CNNM4: variants seen among roughly 807,000 people sequenced by gnomAD.
CNNM4 encodes metal transporter CNNM4.
Under a neutral mutation model 53.7 loss-of-function variants are expected in CNNM4, and 32 were observed. That is an observed-to-expected ratio of 0.60 (90% confidence interval 0.45 to 0.80). The LOEUF (loss-of-function observed/expected upper bound fraction) is 0.80. CNNM4 is among the 30% of genes least tolerant of loss of function. CNNM4 has a pLI of 0.00. For missense variants in CNNM4, 784 were observed against 1,022.0 expected (o/e 0.77, Z 3.17); for synonymous variants, 410 against 440.0 (o/e 0.93, Z 0.85).
In CNNM4 at chr2:96,808,838, C is replaced by G; in HGVS notation, c.2130+96C>G. On this transcript the variant is annotated intron_variant, in intron 6 of 6. Coordinates refer to ENST00000377075, the MANE Select transcript of CNNM4 (RefSeq NM_020184.4). The surrounding 1 kb of genome is among the most constrained non-coding windows in gnomAD (Gnocchi z 4.9). The stretch of plus-strand genomic sequence containing the variant: ...CAAACCCAGCATGGTGGGCCCAAAC[C>G]CGAGATGCCTTTTTCTTCTGGAGAT... 1 of 1,257,274 alleles carries G rather than the reference C, an allele frequency of 8.0e-7. No individual in the cohort carries two copies. Among genetic ancestry groups the G allele is most frequent in the Non-Finnish European group, 1.1e-6 (1 of 870,840 alleles). The allele number at this position is 1,257,274 out of a possible 1,614,324, so 77.9% of individuals were successfully genotyped here.
chr2:96,798,858 C>G (rs2079130541), intron 3 of CNNM4, among the ~76,000 whole-genome samples, 199 bp from the exon 4 acceptor site: 1 of 152,166 alleles, frequency 6.6e-6, no homozygotes, highest in Non-Finnish European at 1.5e-5. Context: ...CCCAGGCAGG[C>G]AGGCAGCCTT....
intron 1 of CNNM4, among the ~76,000 whole-genome samples, chr2:96,785,991 G>A (rs1409440866): frequency 6.6e-6 from 1 of 151,808 alleles, no homozygotes; most frequent in Non-Finnish European, 1.5e-5. Context: ...GGAGGCTGAG[G>A]CAGGAGAATG....
Position 96,809,744 on chromosome 2 carries a change from G to A in CNNM4, c.*227G>A, listed in dbSNP as rs1016007030. On this transcript the variant is annotated 3_prime_UTR_variant, in exon 7 of 7. Coordinates refer to ENST00000377075, the MANE Select transcript of CNNM4 (RefSeq NM_020184.4). The stretch of plus-strand genomic sequence containing the variant: ...TAGGGGGGGCAGTGGGCCAGCTACC[G>A]TAAGCAAAGGCTGTTTTTTACTGAG... 4.4e-5 allele frequency: 21 copies of A among 475,804 alleles called. No individual in the cohort carries two copies. The highest frequency in any genetic ancestry group is 2.3e-4 in the South Asian group (5 of 22,194). 29.5% of individuals were successfully genotyped at this position (475,804 alleles called of 1,614,324 possible).
intron 1 of CNNM4, among the ~76,000 whole-genome samples, chr2:96,764,178 C>A (rs1306203599): frequency 6.6e-6 from 1 of 152,140 alleles, no homozygotes; most frequent in Non-Finnish European, 1.5e-5. Context: ...TGACCAGTCT[C>A]CCAGTCTTGA....
At position 96,797,727 on chromosome 2, in the gene CNNM4, C is replaced by A. The variant is rs957169697; in HGVS notation, c.1681+80C>A. 1 of 1,581,418 alleles carries A rather than the reference C, an allele frequency of 6.3e-7. No homozygotes were observed. Among genetic ancestry groups the A allele is most frequent in the African/African-American group, 1.3e-5 (1 of 74,464 alleles). Reference sequence around the variant, plus strand: ...TCCTGGGTTTCCGGCTGCTTTCCCCCCATAGGACGAGGGCTGCAGCAGGTG... The same window carrying A: ...TCCTGGGTTTCCGGCTGCTTTCCCCACATAGGACGAGGGCTGCAGCAGGTG... On this transcript the variant is annotated intron_variant, in intron 3 of 6. Coordinates refer to ENST00000377075, the MANE Select transcript of CNNM4 (RefSeq NM_020184.4). The surrounding 1 kb of genome is among the most constrained non-coding windows in gnomAD (Gnocchi z 6.0).
chr2:96,797,709 T>C lies in CNNM4; in HGVS notation c.1681+62T>C. 1 of 1,602,044 alleles carries C rather than the reference T, an allele frequency of 6.2e-7. No individual in the cohort carries two copies. The highest frequency in any genetic ancestry group is 8.5e-7 in the Non-Finnish European group (1 of 1,177,254). ...ACGGTCACGGGGGAGAAGTCCTGGG[T>C]TTCCGGCTGCTTTCCCCCCATAGGA... On this transcript the variant is annotated intron_variant, in intron 3 of 6. Coordinates refer to ENST00000377075, the MANE Select transcript of CNNM4 (RefSeq NM_020184.4). The surrounding 1 kb of genome is among the most constrained non-coding windows in gnomAD (Gnocchi z 6.0).
rs1574082235 is a variant in CNNM4 at position 96,800,886 on chromosome 2, TG to T, written c.1948+1239del. ...TGGGCACACTCAGCCAGCTTCTGCC[TG>T]TCTCCGCACAGGGCTCACCGCTGTG... is the stretch of plus-strand genomic sequence containing the variant. On this transcript the variant is annotated intron_variant, in intron 5 of 6. Transcript: ENST00000377075. This position sits in a 1 kb window ranked among gnomAD's most constrained non-coding sequence, Gnocchi z 4.6. Among the ~76,000 whole-genome samples, 2 of 152,204 alleles carry T rather than the reference TG, an allele frequency of 1.3e-5. No homozygotes were observed. Among genetic ancestry groups the T allele is most frequent in the East Asian group, 3.8e-4 (2 of 5,196 alleles).
Position 96,799,071 on chromosome 2 carries a change from A to C in CNNM4, c.1696A>C (p.Ser566Arg), listed in dbSNP as rs2079133536. 1 of 1,613,998 alleles carries C rather than the reference A, an allele frequency of 6.2e-7. No homozygotes were observed. The highest frequency in any genetic ancestry group is 1.7e-5 in the Admixed American group (1 of 60,004). ...TCCTCCTACAGAGGTCTCTCAGTTT[A>C]GCCCCTCCCTGATATCAGAGAAGAT... Reference protein sequence around the residue: ...RFLATEVSQFSPSLISEKILL... With the variant: ...RFLATEVSQFRPSLISEKILL... Residue 566 changes from serine (S) to arginine (R), a missense_variant, in exon 4 of 7, where the codon AGC becomes CGC. Physicochemically the swap from Ser to Arg is moderately radical, Grantham distance 110. Transcript: ENST00000377075.
At chr2:96,783,785 A>C (rs116282273) in intron 1 of CNNM4, among the ~76,000 whole-genome samples, 1 of 152,188 alleles carries the variant, frequency 6.6e-6, no homozygotes, top group Non-Finnish European at 1.5e-5. Flanking sequence ...TAAGAGCCCA[A>C]TGGGGACTGG....
At position 96,762,248 on chromosome 2, in the gene CNNM4, A is replaced by G; in HGVS notation, c.1249A>G (p.Asn417Asp). 6.2e-7 allele frequency: 1 copy of G among 1,614,176 alleles called. No homozygotes were observed. The highest frequency in any genetic ancestry group is 1.1e-5 in the South Asian group (1 of 91,072). The change falls in exon 1 of 7, where the codon AAT becomes GAT. Residue 417 changes from asparagine to aspartate, a missense_variant. Asn to Asp is a conservative substitution (Grantham distance 23, BLOSUM62 1). This residue lies in a region of CNNM4 where 473 missense variants were observed against 624.6 expected (regional missense o/e 0.76). Coordinates refer to ENST00000377075, the MANE Select transcript of CNNM4 (RefSeq NM_020184.4). ...CCCGGTGTTCGAAGACGAGCAGTCCAATATTGTAGATATTCTCTACGTCAA... is the reference window on the plus strand; with the variant it reads ...CCCGGTGTTCGAAGACGAGCAGTCCGATATTGTAGATATTCTCTACGTCAA... ...RIPVFEDEQS[N>D]IVDILYVKDL...
intron 6 of CNNM4, among the ~76,000 whole-genome samples, chr2:96,809,002 G>GTTT (rs766235218): frequency 7.0e-6 from 1 of 142,236 alleles, no homozygotes; most frequent in African/African-American, 2.6e-5. Context: ...GTGGCTTCGG[G>GTTT]TTTTTTTTTT....
rs1403892142 is a variant in CNNM4, at chr2:96,797,622, G to C, written c.1656G>C (p.Leu552=). Residue 552 remains leucine, a synonymous_variant, in exon 3 of 7, where the codon CTG becomes CTC. Coordinates refer to ENST00000377075, the MANE Select transcript of CNNM4 (RefSeq NM_020184.4). The surrounding 1 kb of genome is among the most constrained non-coding windows in gnomAD (Gnocchi z 6.0). The part of the protein sequence containing the change: ...LKVKISPQLL[L]AAHRFLATEV... ...TGAAAATCTCCCCGCAGCTCCTCCTGGCCGCTCATCGCTTCCTAGCCACAG... is the reference window on the plus strand; with the variant it reads ...TGAAAATCTCCCCGCAGCTCCTCCTCGCCGCTCATCGCTTCCTAGCCACAG... 6.2e-7 allele frequency: 1 copy of C among 1,614,044 alleles called. No individual in the cohort carries two copies. Among genetic ancestry groups the C allele is most frequent in the African/African-American group, 1.3e-5 (1 of 74,946 alleles).
At chr2:96,789,840 G>A (rs1173507847) in intron 1 of CNNM4, among the ~76,000 whole-genome samples, 9 of 147,758 alleles carry the variant, frequency 6.1e-5, no homozygotes, top group African/African-American at 2.0e-4. Flanking sequence ...TTACAGGCCC[G>A]CGCCACCACG....
At chr2:96,806,088 C>G (rs371440719) in intron 5 of CNNM4, among the ~76,000 whole-genome samples, 2 of 147,668 alleles carry the variant, frequency 1.4e-5, no homozygotes, top group East Asian at 2.0e-4. Flanking sequence ...CTGACCCCCC[C>G]CAACCTCCCT....
At chr2:96,802,300 C>G (rs1473765872) in intron 5 of CNNM4, among the ~76,000 whole-genome samples, 2 of 152,216 alleles carry the variant, frequency 1.3e-5, no homozygotes, top group African/African-American at 4.8e-5. Flanking sequence ...TGCTCCTGGC[C>G]CAGCCAAGTG....
chr2:96,809,627 A>T lies in CNNM4; in HGVS notation c.*110A>T. On this transcript the variant is annotated 3_prime_UTR_variant, in exon 7 of 7. Coordinates refer to ENST00000377075, the MANE Select transcript of CNNM4 (RefSeq NM_020184.4). ...AGGATACGGATAGATAGCCTGTCTG[A>T]CTGAACAGCCAGATGGCCCCCAGCC... 2 of 985,834 alleles carry T rather than the reference A, an allele frequency of 2.0e-6. No individual in the cohort carries two copies. The highest frequency in any genetic ancestry group is 3.1e-6 in the Non-Finnish European group (2 of 650,130). The allele number at this position is 985,834 out of a possible 1,614,324, so 61.1% of individuals were successfully genotyped here. A position where few individuals can be genotyped will look rare whatever the true frequency, so the allele number is the denominator to read the frequency against.
chr2:96,784,930 T>A (rs1184383621), intron 1 of CNNM4, among the ~76,000 whole-genome samples: 4 of 152,188 alleles, frequency 2.6e-5, no homozygotes, highest in Non-Finnish European at 5.9e-5. Context: ...CAGGCTGGAG[T>A]GCAGTGTTGC....
In CNNM4 at chr2:96,801,808, C is replaced by T. The variant is rs2079162061; in HGVS notation, c.1948+2160C>T. ...CAGACACCCATAGACAGAGATATCA[C>T]ACACAGAAACACACATGCAGATACA... is the stretch of plus-strand genomic sequence containing the variant. On this transcript the variant is annotated intron_variant, in intron 5 of 6. Transcript: ENST00000377075. The surrounding 1 kb of genome is among the most constrained non-coding windows in gnomAD (Gnocchi z 5.6). Among the ~76,000 whole-genome samples, 1 of 152,052 alleles carries T rather than the reference C, an allele frequency of 6.6e-6. No homozygotes were observed. Among genetic ancestry groups the T allele is most frequent in the Admixed American group, 6.5e-5 (1 of 15,278 alleles).
intron 1 of CNNM4, among the ~76,000 whole-genome samples, chr2:96,794,025 G>A (rs1404462456): frequency 2.6e-5 from 4 of 152,166 alleles, no homozygotes; most frequent in Non-Finnish European, 4.4e-5. Flanking sequence ...GGAACCTTTC[G>A]TTGGTCAGGA....
Sources: gnomAD v4.1 joint callset for allele counts (sites outside exome capture counted in the v4.1 genomes callset) on GRCh38, gnomAD v4.1.1 for gene constraint, gnomAD v4.1.1 regional missense constraint, Gnocchi (gnomAD v3.1) non-coding constraint, MANE v1.5 for transcripts, NCBI Gene and HGNC (gene_info 2026-07-23, HGNC 2026-07-21) for gene names.